Variants in TBC1D22A observed in about 807,000 individuals in gnomAD.
TBC1D22A encodes putative GTPase activator.
TBC1D22A carries 38 observed loss-of-function variants against 60.2 expected under a neutral mutation model. The ratio of observed to expected loss-of-function variants is 0.63; its 90% CI spans 0.49 to 0.83. The LOEUF (loss-of-function observed/expected upper bound fraction) is 0.83, where lower values mean the gene tolerates loss of function less well. Among genes scored for constraint, TBC1D22A ranks in the 40% least tolerant of loss-of-function variants. The pLI is 0.00. For synonymous variants in TBC1D22A, 302 were observed against 281.7 expected, an observed-to-expected ratio of 1.07 and a Z score of -0.72; for missense variants, 628 against 701.0, an observed-to-expected ratio of 0.90 and a Z score of 1.18.
chr22:46,976,584 C>T (rs73482686), intron 9 of TBC1D22A, among the ~76,000 whole-genome samples: 5,230 of 152,328 alleles, frequency 0.034, 279 homozygotes, highest in African/African-American at 0.12. Context: ...TGTCAGCTCC[C>T]GGACGACCTG....
At chr22:46,890,433 C>T (rs2068336963) in intron 5 of TBC1D22A, among the ~76,000 whole-genome samples, 1 of 152,098 alleles carries the variant, frequency 6.6e-6, no homozygotes, top group African/African-American at 2.4e-5. Context: ...ATAGCATTTA[C>T]CTTGTATCAG....
intron 12 of TBC1D22A, among the ~76,000 whole-genome samples, chr22:47,146,814 C>T (rs1352055968): frequency 6.6e-6 from 1 of 152,242 alleles, no homozygotes; most frequent in African/African-American, 2.4e-5. Context: ...ACCTTGTTCC[C>T]TCCTCTGTCG....
At chr22:47,094,358 G>T (rs1205339700) in intron 11 of TBC1D22A, among the ~76,000 whole-genome samples, 1 of 152,200 alleles carries the variant, frequency 6.6e-6, no homozygotes, top group Non-Finnish European at 1.5e-5. Flanking sequence ...AAAGCGAAGG[G>T]TGACCCTCCA....
At chr22:46,828,754 C>G (rs1347396597) in intron 4 of TBC1D22A, among the ~76,000 whole-genome samples, 1 of 152,192 alleles carries the variant, frequency 6.6e-6, no homozygotes, top group African/African-American at 2.4e-5. Flanking sequence ...TCTGTTTGGA[C>G]TGTTCTCTGC....
At chr22:46,855,352 A>G (rs1222744114) in intron 4 of TBC1D22A, among the ~76,000 whole-genome samples, 1 of 152,072 alleles carries the variant, frequency 6.6e-6, no homozygotes, top group Non-Finnish European at 1.5e-5. Flanking sequence ...AGGGTTTTGT[A>G]TTGTTACTTT....
chr22:46,966,588 A>G (rs28687181), intron 8 of TBC1D22A, among the ~76,000 whole-genome samples: 14 of 152,270 alleles, frequency 9.2e-5, no homozygotes, highest in African/African-American at 4.8e-5. Context: ...CACTCAAGCC[A>G]CAAGAATACT....
intron 12 of TBC1D22A, among the ~76,000 whole-genome samples, chr22:47,130,358 A>C (rs2066637572): frequency 1.3e-5 from 2 of 150,816 alleles, no homozygotes; most frequent in South Asian, 4.2e-4. Context: ...TCCCAAACCC[A>C]CGTTTGCCTC....
chr22:46,768,339 G>A (rs1175684909), intron 1 of TBC1D22A, among the ~76,000 whole-genome samples: 2 of 152,030 alleles, frequency 1.3e-5, no homozygotes, highest in South Asian at 2.1e-4. Context: ...ACAAAAGTTA[G>A]CCAGGCGTGG....
In TBC1D22A at chr22:46,765,957, ATGTGTGTGTGTGTG is replaced by A. The variant is rs747869318; in HGVS notation, c.62+3145_62+3158del. ...ACTGGCCACCACGCCCAGCTAATTTATGTGTGTGTGTGTGTGTGTGTGTGTGTGTGTGTGTGTGT... is the reference window on the plus strand; with the variant it reads ...ACTGGCCACCACGCCCAGCTAATTTATGTGTGTGTGTGTGTGTGTGTGTGT... On this transcript the variant is annotated intron_variant, in intron 1 of 12. Coordinates refer to ENST00000337137, the MANE Select transcript of TBC1D22A (RefSeq NM_014346.5). Among the ~76,000 whole-genome samples, 493 of 128,646 alleles carry A rather than the reference ATGTGTGTGTGTGTG, an allele frequency of 3.8e-3. 2 individuals are homozygous for A. The highest frequency in any genetic ancestry group is 8.4e-3 in the African/African-American group (281 of 33,528). 84.4% of individuals were successfully genotyped at this position (128,646 alleles called of 152,430 possible). A position where few individuals can be genotyped will look rare whatever the true frequency, so the allele number is the denominator to read the frequency against.
chr22:47,171,452 G>C (rs1025172460), intron 12 of TBC1D22A, among the ~76,000 whole-genome samples: 1 of 152,134 alleles, frequency 6.6e-6, no homozygotes, highest in East Asian at 1.9e-4. Flanking sequence ...GCAAATTCTC[G>C]AGGACCAGAG....
intron 11 of TBC1D22A, among the ~76,000 whole-genome samples, chr22:47,057,759 A>G (rs950838687): frequency 6.6e-6 from 1 of 152,176 alleles, no homozygotes; most frequent in African/African-American, 2.4e-5. Flanking sequence ...CCCGTGATTC[A>G]GTGACCTCCC....
chr22:46,841,680 C>G (rs6008985), intron 4 of TBC1D22A, among the ~76,000 whole-genome samples: 1 of 152,174 alleles, frequency 6.6e-6, no homozygotes, highest in South Asian at 2.1e-4. Flanking sequence ...TTATCAGGAA[C>G]TGGAGGGCTG....
chr22:46,821,220 A>G (rs755195474), intron 4 of TBC1D22A, among the ~76,000 whole-genome samples: 5 of 152,076 alleles, frequency 3.3e-5, no homozygotes, highest in Non-Finnish European at 7.4e-5. Context: ...AATTGGGGGC[A>G]TTTAGCCCAT....
chr22:46,913,353 G>C, intron 8 of TBC1D22A: 8 of 1,366,378 alleles, frequency 5.9e-6, no homozygotes, highest in Non-Finnish European at 6.9e-6. Context: ...GTTGTGGTCG[G>C]CCTCAGATTC....
At chr22:46,957,576 T>G (rs541279788) in intron 8 of TBC1D22A, among the ~76,000 whole-genome samples, 1 of 152,316 alleles carries the variant, frequency 6.6e-6, no homozygotes, top group African/African-American at 2.4e-5. Flanking sequence ...ACGTGGGGAT[T>G]ACAATTGGAG....
At chr22:46,992,822 T>C (rs1602866257) in intron 9 of TBC1D22A, among the ~76,000 whole-genome samples, 2 of 151,510 alleles carry the variant, frequency 1.3e-5, no homozygotes, top group South Asian at 4.2e-4. Flanking sequence ...TCAGGGCTGG[T>C]GGCCAGGGGC....
chr22:46,824,089 G>A (rs562505153), intron 4 of TBC1D22A, among the ~76,000 whole-genome samples: 6 of 152,128 alleles, frequency 3.9e-5, no homozygotes, highest in Non-Finnish European at 7.3e-5. Flanking sequence ...ACCATAACAC[G>A]TTATAAATTC....
At chr22:47,022,198 C>T (rs1332387547) in intron 10 of TBC1D22A, among the ~76,000 whole-genome samples, 2 of 152,214 alleles carry the variant, frequency 1.3e-5, no homozygotes, top group African/African-American at 4.8e-5. Context: ...ACAGCCTGTA[C>T]ACCCAGTGCT....
In TBC1D22A at chr22:47,170,707, C is replaced by G. The variant is rs202166845; in HGVS notation, c.1426-2791C>G. On this transcript the variant is annotated intron_variant, in intron 12 of 12. Coordinates refer to ENST00000337137, the MANE Select transcript of TBC1D22A (RefSeq NM_014346.5). Reference sequence around the variant, plus strand: ...AGAGAGGACAGTCCTGGTGTGTAACCCTCCTGATGCAGGACCGGAGAGAGG... The same window carrying G: ...AGAGAGGACAGTCCTGGTGTGTAACGCTCCTGATGCAGGACCGGAGAGAGG... Among the ~76,000 whole-genome samples the G allele has an allele frequency of 5.9e-4, 81 of 138,036 alleles. 1 individual carries two copies. The highest frequency in any genetic ancestry group is 4.3e-3 in the Middle Eastern group (1 of 230). The allele number at this position is 138,036 out of a possible 152,430, so 90.6% of individuals were successfully genotyped here.
Sources: allele counts gnomAD v4.1 joint callset (sites outside exome capture counted in the v4.1 genomes callset), GRCh38; gene constraint gnomAD v4.1.1; transcripts MANE v1.5; gene names NCBI Gene and HGNC (gene_info 2026-07-23, HGNC 2026-07-21).